Variants in EXOSC7 observed in about 807,000 individuals in gnomAD.
The protein encoded by EXOSC7 is exosome component 7, also known as exosome complex component RRP42.
A neutral mutation model predicts 34.3 loss-of-function variants in EXOSC7; 25 were observed. That is an observed-to-expected ratio of 0.73 (90% CI 0.53 to 1.02). The LOEUF is 1.02. Ranked by LOEUF, EXOSC7 falls within the 50% of genes least tolerant of loss-of-function variation. EXOSC7 has a pLI of 0.00. For synonymous variants in EXOSC7, 130 were observed against 143.0 expected, an observed-to-expected ratio of 0.91 and a Z score of 0.65; for missense variants, 370 against 368.5, an observed-to-expected ratio of 1.00 and a Z score of -0.03.
chr3:44,998,118 C>T (rs1348217833), intron 4 of EXOSC7, among the ~76,000 whole-genome samples: 1 of 151,408 alleles, frequency 6.6e-6, no homozygotes, highest in African/African-American at 2.4e-5. Flanking sequence ...TCACTGCAAC[C>T]TCTGCTTCCC....
chr3:45,008,144 C>T (rs898922072), intron 7 of EXOSC7, among the ~76,000 whole-genome samples: 3 of 152,238 alleles, frequency 2.0e-5, no homozygotes, highest in African/African-American at 7.2e-5. Context: ...TACTGTTTGC[C>T]CCACATGTCT....
chr3:44,978,065 A>G (rs994448238), intron 1 of EXOSC7, among the ~76,000 whole-genome samples: 25 of 152,260 alleles, frequency 1.6e-4, no homozygotes, highest in Admixed American at 5.2e-4. Context: ...AATGAAAGAT[A>G]GGAGGGAGAC....
intron 1 of EXOSC7, among the ~76,000 whole-genome samples, chr3:44,978,128 G>A (rs965949761): frequency 2.2e-4 from 33 of 152,330 alleles, no homozygotes; most frequent in African/African-American, 7.7e-4. Context: ...TAAGATCTAT[G>A]CCAAGGAAGT....
chr3:44,981,296 A>C (rs1017160064), intron 1 of EXOSC7, among the ~76,000 whole-genome samples: 1 of 152,178 alleles, frequency 6.6e-6, no homozygotes, highest in South Asian at 2.1e-4. Context: ...CAGACTGAGC[A>C]GGCACCTTCA....
intron 3 of EXOSC7, among the ~76,000 whole-genome samples, chr3:44,993,288 T>C (rs1016450087): frequency 2.0e-5 from 3 of 152,136 alleles, no homozygotes; most frequent in Non-Finnish European, 4.4e-5. Context: ...TGAGCACATG[T>C]ACACTCAGAG....
chr3:44,980,245 A>C (rs1175688039), intron 1 of EXOSC7, among the ~76,000 whole-genome samples: 1 of 152,200 alleles, frequency 6.6e-6, no homozygotes, highest in Non-Finnish European at 1.5e-5. Context: ...AATTTGAGTC[A>C]ACCTGGTGAA....
chr3:44,979,598 T>TTTC (rs60183088), intron 1 of EXOSC7, among the ~76,000 whole-genome samples: 22 of 150,606 alleles, frequency 1.5e-4, no homozygotes, highest in Admixed American at 4.6e-4. Context: ...GTTTTTTTTT[T>TTTC]CCCCCTCTTT....
At chr3:45,004,110 T>C (rs1295722683) in intron 5 of EXOSC7, 1 of 152,228 alleles carries the variant, frequency 6.6e-6, no homozygotes, top group East Asian at 1.9e-4. Flanking sequence ...ATTTCTCTAT[T>C]TCTGTTAGGG....
chr3:44,986,273 C>T (rs537748130), intron 1 of EXOSC7, among the ~76,000 whole-genome samples: 95 of 152,186 alleles, frequency 6.2e-4, no homozygotes, highest in Non-Finnish European at 1.1e-3. Context: ...AGCCCTGCCC[C>T]GTGGGAAGGC....
At chr3:45,005,480 C>G (rs1707009720) in intron 6 of EXOSC7, 66 bp downstream of exon 6, 2 of 1,508,392 alleles carry the variant, frequency 1.3e-6, no homozygotes, top group Non-Finnish European at 1.8e-6. Context: ...TCCCAACCTG[C>G]TGAGGTTACT....
chr3:44,988,732 T>G (rs1477121067), intron 1 of EXOSC7, among the ~76,000 whole-genome samples: 2 of 152,232 alleles, frequency 1.3e-5, no homozygotes, highest in African/African-American at 2.4e-5. Context: ...TTGAGATGAT[T>G]GTACTCTGTA....
chr3:44,980,895 C>A (rs1159785803), intron 1 of EXOSC7, among the ~76,000 whole-genome samples: 1 of 152,186 alleles, frequency 6.6e-6, no homozygotes, highest in Non-Finnish European at 1.5e-5. Flanking sequence ...ACGATTTACT[C>A]TGCCCATACC....
At chr3:44,984,334 G>T (rs771839790) in intron 1 of EXOSC7, among the ~76,000 whole-genome samples, 5 of 152,078 alleles carry the variant, frequency 3.3e-5, no homozygotes, top group Non-Finnish European at 5.9e-5. Flanking sequence ...AAATTAGCTG[G>T]GCATGTTGAC....
At chr3:44,996,784 C>T (rs565322329) in intron 3 of EXOSC7, among the ~76,000 whole-genome samples, 1 of 152,304 alleles carries the variant, frequency 6.6e-6, no homozygotes, top group South Asian at 2.1e-4. Flanking sequence ...TAATTATTAT[C>T]GGCCGAGGTT....
At chr3:44,998,557 G>C (rs970017029) in intron 4 of EXOSC7, among the ~76,000 whole-genome samples, 2 of 152,174 alleles carry the variant, frequency 1.3e-5, no homozygotes, top group African/African-American at 4.8e-5. Context: ...TCTGTGAACT[G>C]ATGGTGAACT....
At position 44,976,346 on chromosome 3, in the gene EXOSC7, A is replaced by C. The variant is rs1706016598; in HGVS notation, c.57+12A>C. 6.4e-7 allele frequency: 1 copy of C among 1,567,728 alleles called. No individual in the cohort carries two copies. On this transcript the variant is annotated intron_variant, in intron 1 of 7. Coordinates refer to ENST00000265564, the MANE Select transcript of EXOSC7 (RefSeq NM_015004.4). ...TGCATGGCGTCCAGGTAGCTACAGCAGCGGCGTTGGGTCGGCCGCCGGGTT... is the reference window on the plus strand; with the variant it reads ...TGCATGGCGTCCAGGTAGCTACAGCCGCGGCGTTGGGTCGGCCGCCGGGTT...
chr3:45,009,649 A>G (rs1707151708), intron 7 of EXOSC7, among the ~76,000 whole-genome samples: 3 of 151,908 alleles, frequency 2.0e-5, no homozygotes, highest in Admixed American at 1.3e-4. Context: ...CCCTGGTTCA[A>G]GTGATTCTGC....
In EXOSC7 at chr3:44,989,187, C is replaced by T. The variant is rs537011383; in HGVS notation, c.105C>T (p.Val35=). ...DGRGCEDYRC[V]EVETDVVSNT... Reference sequence around the variant, plus strand: ...GTGGCTGTGAGGACTACCGATGTGTCGAAGTGGAAACTGATGTGGTGTCCA... The same window carrying T: ...GTGGCTGTGAGGACTACCGATGTGTTGAAGTGGAAACTGATGTGGTGTCCA... Residue 35 remains valine, a synonymous_variant, in exon 2 of 8, where the codon GTC becomes GTT. Coordinates refer to ENST00000265564, the MANE Select transcript of EXOSC7 (RefSeq NM_015004.4). The T allele has an allele frequency of 6.3e-5, 101 of 1,614,048 alleles. 1 individual carries two copies. In the South Asian group the frequency reaches 9.9e-4, roughly 16 times the overall value.
chr3:44,996,011 C>T (rs1054669430), intron 3 of EXOSC7, among the ~76,000 whole-genome samples: 2 of 152,152 alleles, frequency 1.3e-5, no homozygotes, highest in East Asian at 1.9e-4. Flanking sequence ...CCCCTACTCC[C>T]GCTTCTACCT....
Sources: gnomAD v4.1 joint callset for allele counts (sites outside exome capture counted in the v4.1 genomes callset) on GRCh38, gnomAD v4.1.1 for gene constraint, MANE v1.5 for transcripts, NCBI Gene and HGNC (gene_info 2026-07-23, HGNC 2026-07-21) for gene names.